Variants in ERCC2 observed in about 807,000 individuals in gnomAD.
The protein encoded by ERCC2 is general transcription and DNA repair factor IIH helicase subunit XPD.
Under a neutral mutation model 99.4 loss-of-function variants are expected in ERCC2, and 90 were observed. That is an observed-to-expected ratio of 0.91 (90% CI 0.76 to 1.08). ERCC2 has a LOEUF of 1.08. Among genes scored for constraint, ERCC2 ranks in the 50% least tolerant of loss-of-function variants. The pLI, the probability that ERCC2 is intolerant of heterozygous loss-of-function variation, is 0.00. For synonymous variants in ERCC2, 497 were observed against 432.4 expected (o/e 1.15, Z -1.85); for missense variants, 993 against 1,038.1 (o/e 0.96, Z 0.60).
rs369538318 is a variant in ERCC2, at chr19:45,361,647, C to T, written c.1119-5G>A. 3.0e-4 allele frequency: 481 copies of T among 1,607,888 alleles called. 2 individuals carry two copies. Among genetic ancestry groups the T allele is most frequent in the Non-Finnish European group, 3.9e-4 (461 of 1,174,634 alleles). On this transcript the variant is annotated splice_polypyrimidine_tract_variant and splice_region_variant and intron_variant, in intron 11 of 22. Coordinates refer to ENST00000391945, the MANE Select transcript of ERCC2 (RefSeq NM_000400.4). ...CGGAGGCGTTCAGCACAGAATCTGG[C>T]GGGGAGGAGAGACGGGGTCGGGGGG...
intron 17 of ERCC2, among the ~76,000 whole-genome samples, chr19:45,353,566 G>T (rs938487010): frequency 5.3e-5 from 8 of 152,188 alleles, no homozygotes; most frequent in Non-Finnish European, 1.2e-4. Context: ...CCAAGCGGGT[G>T]GCCAATCAGG....
Position 45,352,777 on chromosome 19 carries a change from G to A in ERCC2, c.1871C>T (p.Pro624Leu), listed in dbSNP as rs1274611330. ...AATGCGGCTCTGTGTGTAGACGTAG[G>A]GGACGCCAAACATGATGACGGCCCG... ...YGRAVIMFGV[P>L]YVYTQSRILK... is the part of the protein sequence containing the mutation. Residue 624 changes from proline to leucine, a missense_variant, in exon 20 of 23, where the codon CCC becomes CTC. By Grantham distance (98) the Pro-to-Leu change is moderately conservative. This residue lies in a region of ERCC2 where 909 missense variants were observed against 930.8 expected (regional missense o/e 0.98). Transcript: ENST00000391945. 6.2e-7 allele frequency: 1 copy of A among 1,613,280 alleles called. No homozygotes were observed. The highest frequency in any genetic ancestry group is 2.2e-5 in the East Asian group (1 of 44,848).
At chr19:45,364,800 C>A in intron 7 of ERCC2, 38 bp downstream of exon 7, 1 of 1,510,212 alleles carries the variant, frequency 6.6e-7, no homozygotes, top group South Asian at 1.1e-5. Flanking sequence ...CCCACACCCT[C>A]ACACTCGCCC....
At chr19:45,355,886 C>T (rs1971996577) in intron 15 of ERCC2, among the ~76,000 whole-genome samples, 158 bp from the exon 16 acceptor site, 1 of 151,088 alleles carries the variant, frequency 6.6e-6, no homozygotes, top group South Asian at 2.1e-4. Context: ...AACACCTGGC[C>T]TCAAGTGACC....
At chr19:45,370,400 G>A in intron 1 of ERCC2, 136 bp downstream of exon 1, 1 of 1,505,822 alleles carries the variant, frequency 6.6e-7, no homozygotes, top group Non-Finnish European at 8.9e-7. Context: ...TATCACTGCT[G>A]CTCCCTGCGG....
chr19:45,353,610 GCTGA>G (rs1043664253), intron 17 of ERCC2, among the ~76,000 whole-genome samples: 1 of 152,200 alleles, frequency 6.6e-6, no homozygotes, highest in Non-Finnish European at 1.5e-5. Context: ...TGGTGGAGGG[GCTGA>G]CTGTGAGGCA....
rs1568527518 is a variant in ERCC2 at position 45,350,598 on chromosome 19, C to T, written c.*1031G>A. 6.2e-6 allele frequency: 10 copies of T among 1,613,540 alleles called. No homozygotes were observed. Among genetic ancestry groups the T allele is most frequent in the Non-Finnish European group, 8.5e-6 (10 of 1,179,624 alleles). On this transcript the variant is annotated 3_prime_UTR_variant, in exon 23 of 23. Transcript: ENST00000391945. The stretch of plus-strand genomic sequence containing the variant: ...GCTCCTGGGGTGGGCGTGGGGACTG[C>T]ATGGGCCTGGGGGACTGAGCAGCAT...
In ERCC2 at chr19:45,350,259, CAAAAAAA is replaced by C. The variant is rs61513187; in HGVS notation, c.*1363_*1369del. 6.2e-5 allele frequency: 54 copies of C among 874,778 alleles called. No individual in the cohort carries two copies. The highest frequency in any genetic ancestry group is 8.2e-5 in the Non-Finnish European group (48 of 586,736). The allele number at this position is 874,778 out of a possible 1,614,324, so 54.2% of individuals were successfully genotyped here. ...CAACATACCAAGACCCCTGTCTCTA[CAAAAAAA>C]AAAAAAAAGGCGGGACTGGATGCAG... On this transcript the variant is annotated 3_prime_UTR_variant, in exon 23 of 23. Coordinates refer to ENST00000391945, the MANE Select transcript of ERCC2 (RefSeq NM_000400.4).
At chr19:45,355,290 G>A (rs1437351035) in intron 16 of ERCC2, among the ~76,000 whole-genome samples, 3 of 152,242 alleles carry the variant, frequency 2.0e-5, no homozygotes, top group Non-Finnish European at 4.4e-5. Context: ...CCGCAAGGCA[G>A]AGACTGCAGT....
At chr19:45,367,339 A>C (rs1477130647) in intron 5 of ERCC2, among the ~76,000 whole-genome samples, 1 of 139,394 alleles carries the variant, frequency 7.2e-6, no homozygotes, top group African/African-American at 2.8e-5. Flanking sequence ...CGTCTCAAAA[A>C]CAAAACAAAA....
intron 5 of ERCC2, among the ~76,000 whole-genome samples, chr19:45,366,216 C>T (rs1972421145): frequency 6.6e-6 from 1 of 151,942 alleles, no homozygotes; most frequent in African/African-American, 2.4e-5. Flanking sequence ...GATCTTGGCT[C>T]ACCACAACCT....
At chr19:45,357,240 C>T (rs780228774) in intron 15 of ERCC2, 30 bp downstream of exon 15, 2 of 1,559,026 alleles carry the variant, frequency 1.3e-6, no homozygotes, top group Non-Finnish European at 1.8e-6. Context: ...ATCTCCCCTC[C>T]CGGCCCCAGC....
At chr19:45,355,780 G>C (rs377467161) in intron 15 of ERCC2, 52 bp from the exon 16 acceptor site, 2 of 1,436,878 alleles carry the variant, frequency 1.4e-6, no homozygotes, top group South Asian at 1.1e-5. Flanking sequence ...CTGCTCCAGC[G>C]TGAGTGCTGA....
chr19:45,353,561 CG>C (rs974620557), intron 17 of ERCC2, among the ~76,000 whole-genome samples: 4 of 152,118 alleles, frequency 2.6e-5, no homozygotes, highest in Middle Eastern at 3.2e-3. Context: ...GTGGCCCAAG[CG>C]GGTGGCCAAT....
Position 45,364,129 on chromosome 19 carries a change from G to C in ERCC2, c.816-10C>G, listed in dbSNP as rs1241426505. 1 of 1,611,798 alleles carries C rather than the reference G, an allele frequency of 6.2e-7. No homozygotes were observed. Among genetic ancestry groups the C allele is most frequent in the Admixed American group, 1.7e-5 (1 of 59,908 alleles). On this transcript the variant is annotated splice_polypyrimidine_tract_variant and intron_variant, in intron 9 of 22. Coordinates refer to ENST00000391945, the MANE Select transcript of ERCC2 (RefSeq NM_000400.4). ...GTCTGTCTCTTTGATCCTGCGGAGAGATGAGCTGGGGCTGGGAGGGGGCTG... is the reference window on the plus strand; with the variant it reads ...GTCTGTCTCTTTGATCCTGCGGAGACATGAGCTGGGGCTGGGAGGGGGCTG...
chr19:45,369,295 C>A, intron 2 of ERCC2, 148 bp from the exon 3 acceptor site: 1 of 701,210 alleles, frequency 1.4e-6, no homozygotes, highest in Non-Finnish European at 2.6e-6. Flanking sequence ...GGGTTTGAAC[C>A]TCACTTCTGC....
At position 45,357,885 on chromosome 19, in the gene ERCC2, A is replaced by C. The variant is rs1416885048; in HGVS notation, c.1238-186T>G. On this transcript the variant is annotated intron_variant, in intron 12 of 22. Transcript: ENST00000391945. ...GCATCTGAGTCCAAAATACACCCCAACCTGTCCGCTTCGGGCCCACACCTG... is the reference window on the plus strand; with the variant it reads ...GCATCTGAGTCCAAAATACACCCCACCCTGTCCGCTTCGGGCCCACACCTG... The C allele has an allele frequency of 1.5e-5, 10 of 647,678 alleles. No individual in the cohort carries two copies. The East Asian group carries it at 2.7e-4, about 18-fold the overall frequency. The allele number at this position is 647,678 out of a possible 1,614,324, so 40.1% of individuals were successfully genotyped here. A position where few individuals can be genotyped will look rare whatever the true frequency, so the allele number is the denominator to read the frequency against.
In ERCC2 at chr19:45,355,647, G is replaced by A; in HGVS notation, c.1543+18C>T. On this transcript the variant is annotated intron_variant, in intron 16 of 22. Coordinates refer to ENST00000391945, the MANE Select transcript of ERCC2 (RefSeq NM_000400.4). ...CCCCTCTTGGAACCCACAGAAACCAGCCCCACTGGCAGCATACCAATATCC... is the reference window on the plus strand; with the variant it reads ...CCCCTCTTGGAACCCACAGAAACCAACCCCACTGGCAGCATACCAATATCC... 3 of 1,611,684 alleles carry A rather than the reference G, an allele frequency of 1.9e-6. No homozygotes were observed. The highest frequency in any genetic ancestry group is 2.5e-6 in the Non-Finnish European group (3 of 1,177,820).
rs1972372638 is a variant in ERCC2 at position 45,364,921 on chromosome 19, G to A, written c.511C>T (p.Pro171Ser). The A allele has an allele frequency of 1.9e-6, 3 of 1,614,146 alleles. No homozygotes were observed. In the South Asian group the frequency reaches 3.3e-5, roughly 18 times the overall value. Residue 171 changes from proline to serine, a missense_variant, in exon 7 of 23, where the codon CCC (proline) becomes TCC (serine). By Grantham distance (74) the Pro-to-Ser change is moderately conservative. This residue lies in a region of ERCC2 where 909 missense variants were observed against 930.8 expected (regional missense o/e 0.98). Coordinates refer to ENST00000391945, the MANE Select transcript of ERCC2 (RefSeq NM_000400.4). The part of the protein sequence containing the change: ...FDAHGREVPL[P>S]AGIYNLDDLK... ...TCATCCAGGTTGTAGATGCCAGCGG[G>A]GAGGGGCACCTCACGCCCATGGGCA...
Sources: gnomAD v4.1 joint callset for allele counts (sites outside exome capture counted in the v4.1 genomes callset) on GRCh38, gnomAD v4.1.1 for gene constraint, gnomAD v4.1.1 regional missense constraint, MANE v1.5 for transcripts, NCBI Gene and HGNC (gene_info 2026-07-23, HGNC 2026-07-21) for gene names.